KIAA1217: variants seen among roughly 807,000 people sequenced by gnomAD.
The protein encoded by KIAA1217 is sickle tail protein homolog.
A neutral mutation model predicts 163.9 loss-of-function variants in KIAA1217; 88 were observed. The observed-to-expected ratio is 0.54, with a 90% CI of 0.45 to 0.64. The LOEUF (loss-of-function observed/expected upper bound fraction) is 0.64, where lower values mean the gene tolerates loss of function less well. Among genes scored for constraint, KIAA1217 ranks in the 30% least tolerant of loss-of-function variants. The pLI, the probability that KIAA1217 is intolerant of heterozygous loss-of-function variation, is 0.00. For missense variants in KIAA1217, 2,372 were observed against 2,475.0 expected, an observed-to-expected ratio of 0.96 and a Z score of 0.88; for synonymous variants, 903 against 923.1, an observed-to-expected ratio of 0.98 and a Z score of 0.39.
At chr10:24,179,173 A>G (rs2066051263) in intron 2 of KIAA1217, among the ~76,000 whole-genome samples, 1 of 152,230 alleles carries the variant, frequency 6.6e-6, no homozygotes. Flanking sequence ...ACAAAGAGCA[A>G]TACATTGTGT....
chr10:24,239,222 G>A (rs2072707500), intron 2 of KIAA1217: 1 of 985,164 alleles, frequency 1.0e-6, no homozygotes, highest in Admixed American at 6.2e-5. Flanking sequence ...ACATGGAGGG[G>A]GGTTTTACCT....
intron 2 of KIAA1217, among the ~76,000 whole-genome samples, chr10:24,037,248 C>A (rs1032029786): frequency 3.9e-5 from 6 of 152,060 alleles, no homozygotes; most frequent in African/African-American, 7.2e-5. Flanking sequence ...GGAGGATCAC[C>A]TGAGGTCAGG....
At chr10:24,083,697 G>A (rs1184322940) in intron 2 of KIAA1217, among the ~76,000 whole-genome samples, 2 of 152,044 alleles carry the variant, frequency 1.3e-5, no homozygotes, top group East Asian at 3.9e-4. Context: ...AATAGGTGAA[G>A]GCATTGAGTG....
intron 2 of KIAA1217, among the ~76,000 whole-genome samples, chr10:24,287,095 G>T (rs960948728): frequency 6.6e-6 from 1 of 152,104 alleles, no homozygotes; most frequent in Admixed American, 6.6e-5. Context: ...TGTCGCCCAG[G>T]CTGGAGTGCA....
intron 1 of KIAA1217, among the ~76,000 whole-genome samples, chr10:23,816,130 C>T (rs761355793): frequency 4.6e-5 from 7 of 152,178 alleles, no homozygotes; most frequent in Admixed American, 1.3e-4. Context: ...CCAGCATTTG[C>T]GTTACCTTGA....
chr10:24,325,580 C>G (rs568465082), intron 2 of KIAA1217, among the ~76,000 whole-genome samples: 4 of 152,300 alleles, frequency 2.6e-5, no homozygotes, highest in African/African-American at 4.8e-5. Context: ...GCACCACCTT[C>G]TGAATAGATT....
intron 2 of KIAA1217, among the ~76,000 whole-genome samples, chr10:24,179,750 G>A (rs539406860): frequency 1.2e-4 from 19 of 152,140 alleles, no homozygotes; most frequent in Middle Eastern, 3.4e-3. Context: ...CACCACATCC[G>A]GCTAATTTTT....
At chr10:23,704,148 G>GTA (rs1254338204) in intron 1 of KIAA1217, among the ~76,000 whole-genome samples, 4,189 of 63,514 alleles carry the variant, frequency 0.066, 157 homozygotes, top group African/African-American at 0.17. Flanking sequence ...GTGTGTGTAT[G>GTA]TGTGTGTGTG....
intron 17 of KIAA1217, 141 bp from the exon 18 acceptor site, chr10:24,542,552 T>C: frequency 3.3e-6 from 5 of 1,503,444 alleles, no homozygotes; most frequent in Non-Finnish European, 4.5e-6. Flanking sequence ...GGTAAACAGC[T>C]GTAGGCTTTG....
At chr10:23,833,270 A>G (rs1362218543) in intron 1 of KIAA1217, among the ~76,000 whole-genome samples, 1 of 152,060 alleles carries the variant, frequency 6.6e-6, no homozygotes, top group East Asian at 1.9e-4. Flanking sequence ...TTCATTGAGG[A>G]CAGTTAACTA....
intron 2 of KIAA1217, among the ~76,000 whole-genome samples, chr10:24,341,785 T>C: frequency 6.6e-6 from 1 of 152,170 alleles, no homozygotes. Context: ...ATTGAACTTT[T>C]ATTAGTTCCA....
intron 1 of KIAA1217, among the ~76,000 whole-genome samples, chr10:23,746,633 C>T (rs1839432431): frequency 6.6e-6 from 1 of 151,960 alleles, no homozygotes; most frequent in Non-Finnish European, 1.5e-5. Context: ...CCGTGTTAGC[C>T]AGGATGGTCC....
intron 1 of KIAA1217, among the ~76,000 whole-genome samples, chr10:23,820,991 A>G (rs1837591994): frequency 6.6e-6 from 1 of 152,104 alleles, no homozygotes; most frequent in South Asian, 2.1e-4. Context: ...TGTGGGTGAG[A>G]TAAAGTTGCA....
intron 5 of KIAA1217, among the ~76,000 whole-genome samples, chr10:24,469,419 C>T (rs558436155): frequency 1.3e-5 from 2 of 152,034 alleles, no homozygotes; most frequent in Middle Eastern, 3.4e-3. Flanking sequence ...ACCACTGCAC[C>T]GAGACCCTAG....
At chr10:23,747,606 G>T (rs766862935) in intron 1 of KIAA1217, among the ~76,000 whole-genome samples, 1 of 152,146 alleles carries the variant, frequency 6.6e-6, no homozygotes, top group Non-Finnish European at 1.5e-5. Context: ...ATTAGGAAGG[G>T]ATTGAGAATA....
intron 1 of KIAA1217, among the ~76,000 whole-genome samples, chr10:24,217,649 T>G (rs1304381903): frequency 6.6e-6 from 1 of 151,666 alleles, no homozygotes; most frequent in Non-Finnish European, 1.5e-5. Flanking sequence ...GGTGGTCACA[T>G]TGCTTTCAGG....
chr10:24,250,500 T>G (rs2131492594), intron 2 of KIAA1217, among the ~76,000 whole-genome samples: 1 of 151,060 alleles, frequency 6.6e-6, no homozygotes, highest in East Asian at 2.0e-4. Context: ...TGGCGCAATC[T>G]CGGCTCACTG....
At chr10:23,797,104 C>T (rs576355476) in intron 1 of KIAA1217, among the ~76,000 whole-genome samples, 55 of 152,284 alleles carry the variant, frequency 3.6e-4, no homozygotes, top group Non-Finnish European at 5.7e-4. Context: ...GATCCCCCTG[C>T]TTTGGCCTCT....
intron 3 of KIAA1217, among the ~76,000 whole-genome samples, chr10:24,382,962 C>G (rs2053520067): frequency 1.3e-5 from 2 of 151,232 alleles, no homozygotes; most frequent in Admixed American, 6.6e-5. Context: ...ATCCTCCCAT[C>G]TCAGCCTTCA....
Sources: allele counts gnomAD v4.1 joint callset (sites outside exome capture counted in the v4.1 genomes callset), GRCh38; gene constraint gnomAD v4.1.1; transcripts MANE v1.5; gene names NCBI Gene and HGNC (gene_info 2026-07-23, HGNC 2026-07-21).